ANKRD28: variants seen among roughly 807,000 people sequenced by gnomAD.
ANKRD28 encodes the protein ankyrin repeat domain 28, also known as serine/threonine-protein phosphatase 6 regulatory ankyrin repeat subunit A.
ANKRD28 carries 44 observed loss-of-function variants against 126.5 expected under a neutral mutation model. The observed-to-expected ratio is 0.35, with a 90% CI of 0.27 to 0.45. ANKRD28 has a LOEUF of 0.45. Among genes scored for constraint, ANKRD28 ranks in the 20% least tolerant of loss-of-function variants. The probability of loss-of-function intolerance (pLI) is 1.00; values close to 1 mark genes in which losing one functional copy is unlikely to be tolerated. For synonymous variants in ANKRD28, 442 were observed against 468.5 expected, an observed-to-expected ratio of 0.94 and a Z score of 0.73; for missense variants, 1,110 against 1,316.6, an observed-to-expected ratio of 0.84 and a Z score of 2.43.
chr3:15,803,501 C>T (rs529539004), intron 1 of ANKRD28, among the ~76,000 whole-genome samples: 16 of 151,856 alleles, frequency 1.1e-4, no homozygotes, highest in Admixed American at 2.6e-4. Flanking sequence ...CCTGTAATCC[C>T]AGCTACTCAA....
At chr3:15,813,719 G>T (rs555926307) in intron 1 of ANKRD28, among the ~76,000 whole-genome samples, 3 of 152,306 alleles carry the variant, frequency 2.0e-5, no homozygotes, top group African/African-American at 7.2e-5. Flanking sequence ...CCTGGAGGTT[G>T]TGAGATTTTT....
intron 3 of ANKRD28, among the ~76,000 whole-genome samples, chr3:15,754,893 A>T (rs1404096336): frequency 6.6e-6 from 1 of 152,068 alleles, no homozygotes; most frequent in Non-Finnish European, 1.5e-5. Context: ...AAGGCGGGCA[A>T]ATCACCTGAG....
chr3:15,832,934 G>A (rs372773791), intron 1 of ANKRD28, among the ~76,000 whole-genome samples: 1 of 152,096 alleles, frequency 6.6e-6, no homozygotes, highest in East Asian at 1.9e-4. Context: ...TTCCCTTAGG[G>A]TATATTCACA....
chr3:15,802,094 C>G (rs375816727), upstream of ANKRD28, among the ~76,000 whole-genome samples: 1 of 152,176 alleles, frequency 6.6e-6, no homozygotes, highest in African/African-American at 2.4e-5. Context: ...CAGAGCCTCA[C>G]ACAATAAAGA....
intron 8 of ANKRD28, among the ~76,000 whole-genome samples, chr3:15,716,508 T>C (rs539223332): frequency 3.3e-5 from 5 of 152,216 alleles, no homozygotes; most frequent in Non-Finnish European, 7.4e-5. Context: ...GGTTTTGAAC[T>C]CTTGGGCTCA....
chr3:15,728,364 T>C (rs547703051), intron 6 of ANKRD28, among the ~76,000 whole-genome samples: 6 of 152,156 alleles, frequency 3.9e-5, no homozygotes, highest in Non-Finnish European at 8.8e-5. Context: ...GTGTGATCAA[T>C]CTCACTGTAA....
chr3:15,799,180 A>T (rs1474609784), upstream of ANKRD28, among the ~76,000 whole-genome samples: 1 of 152,086 alleles, frequency 6.6e-6, no homozygotes, highest in Non-Finnish European at 1.5e-5. Context: ...AGCTTATAAA[A>T]GTGATCTTAA....
rs1288675500 is a variant in ANKRD28, at chr3:15,833,522, TATAAA to T, written c.27+25850_27+25854del. ...TACTACATATTATGTACTATATATA[TATAAA>T]ATATATACATTATTTTTTATATATA... is the stretch of plus-strand genomic sequence containing the variant. On this transcript the variant is annotated intron_variant, in intron 1 of 27. Transcript: ENST00000399451. The surrounding 1 kb of genome is among the most constrained non-coding windows in gnomAD (Gnocchi z 4.4). Among the ~76,000 whole-genome samples, 2 of 148,490 alleles carry T rather than the reference TATAAA, an allele frequency of 1.3e-5. No individual in the cohort carries two copies. Among genetic ancestry groups the T allele is most frequent in the Non-Finnish European group, 3.0e-5 (2 of 67,326 alleles).
At chr3:15,707,084 T>TA (rs1169966634) in intron 14 of ANKRD28, among the ~76,000 whole-genome samples, 1 of 152,224 alleles carries the variant, frequency 6.6e-6, no homozygotes, top group Non-Finnish European at 1.5e-5. Flanking sequence ...AAGTAAATGT[T>TA]AAAAACCGAA....
intron 27 of ANKRD28, among the ~76,000 whole-genome samples, chr3:15,671,579 T>C (rs952133411): frequency 6.8e-5 from 9 of 132,760 alleles, no homozygotes; most frequent in Non-Finnish European, 4.5e-5. Context: ...AACACTATAG[T>C]TTTTTTTTTG....
chr3:15,777,945 C>T (rs562667144), intron 2 of ANKRD28, among the ~76,000 whole-genome samples: 2 of 149,766 alleles, frequency 1.3e-5, no homozygotes, highest in Non-Finnish European at 3.0e-5. Flanking sequence ...CATAATATAA[C>T]CAAATACCTT....
At chr3:15,800,734 C>T (rs1161351585), upstream of ANKRD28, among the ~76,000 whole-genome samples, 1 of 152,056 alleles carries the variant, frequency 6.6e-6, no homozygotes, top group African/African-American at 2.4e-5. Flanking sequence ...TTCCATTCTT[C>T]TACCTTCACT....
chr3:15,768,957 A>G (rs2058874201), intron 2 of ANKRD28, among the ~76,000 whole-genome samples: 1 of 152,212 alleles, frequency 6.6e-6, no homozygotes, highest in African/African-American at 2.4e-5. Flanking sequence ...CAGAACCACT[A>G]AAGTAACAGA....
At chr3:15,766,027 CA>C (rs2125549365) in intron 3 of ANKRD28, among the ~76,000 whole-genome samples, 1 of 152,086 alleles carries the variant, frequency 6.6e-6, no homozygotes, top group South Asian at 2.1e-4. Context: ...AAGAGGGCAG[CA>C]ATCTTTGTTT....
chr3:15,792,295 T>C (rs575771172), intron 2 of ANKRD28, among the ~76,000 whole-genome samples: 15 of 152,302 alleles, frequency 9.8e-5, no homozygotes, highest in African/African-American at 3.1e-4. Flanking sequence ...CTGTTTACAA[T>C]AGCTAACATT....
At chr3:15,802,649 C>G (rs993990820), upstream of ANKRD28, among the ~76,000 whole-genome samples, 1 of 152,094 alleles carries the variant, frequency 6.6e-6, no homozygotes, top group African/African-American at 2.4e-5. Context: ...GAAAATAATT[C>G]ATATTTTCCT....
chr3:15,686,154 CT>C, intron 19 of ANKRD28, 35 bp from the exon 20 acceptor site: 1 of 1,602,072 alleles, frequency 6.2e-7, no homozygotes, highest in Non-Finnish European at 8.5e-7. Context: ...AGTGCTGTCA[CT>C]TAAGACTGTA....
At position 15,676,987 on chromosome 3, in the gene ANKRD28, C is replaced by T. The variant is rs149481554; in HGVS notation, c.2860G>A (p.Ala954Thr). 1.8e-4 allele frequency: 286 copies of T among 1,612,360 alleles called. 2 individuals carry two copies. The African/African-American group carries it at 2.9e-3, about 16-fold the overall frequency. The change falls in exon 26 of 28, where the codon GCA (alanine) becomes ACA (threonine). Residue 954 changes from alanine (A) to threonine (T), a missense_variant. Physicochemically the swap from Ala to Thr is moderately conservative, Grantham distance 58. Coordinates refer to ENST00000683139, the MANE Select transcript of ANKRD28 (RefSeq NM_001349278.2). The stretch of plus-strand genomic sequence containing the variant: ...GACAGTACTCACGTTTGCAAGGCTG[C>T]GTTGGTTGCATTGATGAGGTTTCTA... ...TDRNLINATNAALQTPLHVAA... is the reference protein window; with the variant it reads ...TDRNLINATNTALQTPLHVAA...
intron 1 of ANKRD28, among the ~76,000 whole-genome samples, chr3:15,805,358 A>C (rs2125865567): frequency 6.6e-6 from 1 of 152,310 alleles, no homozygotes; most frequent in Non-Finnish European, 1.5e-5. Context: ...AAGCAGTTTG[A>C]AATTAAGGAA....
Sources: allele counts gnomAD v4.1 joint callset (sites outside exome capture counted in the v4.1 genomes callset), GRCh38; gene constraint gnomAD v4.1.1; non-coding constraint Gnocchi (gnomAD v3.1); transcripts MANE v1.5; gene names NCBI Gene and HGNC (gene_info 2026-07-23, HGNC 2026-07-21).